The following FMN1 variants were observed in gnomAD, a reference collection of about 807,000 sequenced individuals.
FMN1 encodes the protein formin-1.
In FMN1, 110 loss-of-function variants were observed where a neutral mutation model predicts 132.4. That is an observed-to-expected ratio of 0.83 (90% CI 0.71 to 0.97). The LOEUF (loss-of-function observed/expected upper bound fraction) is 0.97, where lower values mean the gene tolerates loss of function less well. Among genes scored for constraint, FMN1 ranks in the 50% least tolerant of loss-of-function variants. FMN1 has a pLI of 0.00. For missense variants in FMN1, 1,792 were observed against 1,705.3 expected (o/e 1.05, Z -0.90); for synonymous variants, 722 against 651.7 (o/e 1.11, Z -1.64).
intron 15 of FMN1, among the ~76,000 whole-genome samples, chr15:32,898,523 A>G (rs914495238): frequency 2.0e-5 from 3 of 152,188 alleles, no homozygotes; most frequent in Non-Finnish European, 4.4e-5. Flanking sequence ...ATTATAACCA[A>G]TTACTGAGCG....
At chr15:33,026,112 C>T (rs951766857) in intron 6 of FMN1, among the ~76,000 whole-genome samples, 3 of 147,724 alleles carry the variant, frequency 2.0e-5, no homozygotes, top group East Asian at 3.9e-4. Context: ...CACACACACA[C>T]ACACACACAC....
At chr15:33,152,703 G>C (rs1964486462) in intron 4 of FMN1, among the ~76,000 whole-genome samples, 1 of 139,440 alleles carries the variant, frequency 7.2e-6, no homozygotes, top group East Asian at 2.3e-4. Context: ...CAAAGGCAGG[G>C]ACAAGTTACC....
At chr15:33,124,980 T>A (rs908904454) in intron 4 of FMN1, among the ~76,000 whole-genome samples, 1 of 152,176 alleles carries the variant, frequency 6.6e-6, no homozygotes, top group African/African-American at 2.4e-5. Context: ...GCAATTCAAA[T>A]GAAGTTATAT....
chr15:32,900,815 TC>T (rs1447812876), intron 13 of FMN1, among the ~76,000 whole-genome samples: 3 of 152,322 alleles, frequency 2.0e-5, no homozygotes, highest in South Asian at 4.1e-4. Context: ...AAATTTTTTT[TC>T]TTTATGGTCT....
At chr15:33,054,937 A>G (rs2037147879) in intron 6 of FMN1, among the ~76,000 whole-genome samples, 1 of 152,218 alleles carries the variant, frequency 6.6e-6, no homozygotes, top group South Asian at 2.1e-4. Flanking sequence ...ACAGAGTTAT[A>G]GTTGTAAACC....
intron 7 of FMN1, among the ~76,000 whole-genome samples, chr15:32,990,396 C>G (rs1271189457): frequency 6.6e-6 from 1 of 152,216 alleles, no homozygotes; most frequent in East Asian, 1.9e-4. Context: ...TCTCCAGGAT[C>G]AGAGCAAAGA....
At chr15:33,111,735 A>G (rs1054126477) in intron 4 of FMN1, among the ~76,000 whole-genome samples, 4 of 152,024 alleles carry the variant, frequency 2.6e-5, no homozygotes, top group African/African-American at 9.7e-5. Flanking sequence ...TTTCCAGAAC[A>G]GGCAAATCTA....
At chr15:33,127,524 C>T (rs905918653) in intron 4 of FMN1, among the ~76,000 whole-genome samples, 3 of 152,224 alleles carry the variant, frequency 2.0e-5, no homozygotes, top group Non-Finnish European at 4.4e-5. Context: ...TTCCATTAAA[C>T]TCAACCTGAA....
chr15:32,849,388 A>G (rs2058949661), intron 17 of FMN1, among the ~76,000 whole-genome samples: 1 of 152,176 alleles, frequency 6.6e-6, no homozygotes, highest in African/African-American at 2.4e-5. Flanking sequence ...TAATAATAAC[A>G]TAACTACTCT....
chr15:33,156,308 T>G (rs1964670442), intron 3 of FMN1, among the ~76,000 whole-genome samples: 1 of 149,874 alleles, frequency 6.7e-6, no homozygotes, highest in African/African-American at 2.5e-5. Context: ...TTAGATGGGT[T>G]CTTGCTCTGT....
chr15:33,103,105 G>A lies in FMN1; in HGVS notation c.1868-14131C>T, dbSNP rs142050553. On this transcript the variant is annotated intron_variant, in intron 4 of 20. Coordinates refer to ENST00000616417, the MANE Select transcript of FMN1 (RefSeq NM_001277313.2). ...TAGTAGATATATAATAATATCTGTT[G>A]AATACAATAATTGTTGAATATACAT... Among the ~76,000 whole-genome samples, 411 of 152,176 alleles carry A rather than the reference G, an allele frequency of 2.7e-3. 2 individuals carry two copies. The highest frequency in any genetic ancestry group is 9.4e-3 in the African/African-American group (389 of 41,552).
intron 15 of FMN1, among the ~76,000 whole-genome samples, chr15:32,889,223 A>G (rs1203684747): frequency 6.6e-6 from 1 of 152,208 alleles, no homozygotes; most frequent in African/African-American, 2.4e-5. Flanking sequence ...GCTATAGCTA[A>G]TGGAGAATTC....
Position 32,956,373 on chromosome 15 carries a change from A to T in FMN1, c.3138+7734T>A, listed in dbSNP as rs373515526. Among the ~76,000 whole-genome samples, 938 of 141,052 alleles carry T rather than the reference A, an allele frequency of 6.7e-3. 4 individuals carry two copies. The highest frequency in any genetic ancestry group is 0.011 in the Middle Eastern group (3 of 276). The allele number at this position is 141,052 out of a possible 152,430, so 92.5% of individuals were successfully genotyped here. On this transcript the variant is annotated intron_variant, in intron 9 of 20. Transcript: ENST00000616417. ...GTCCTAACCACTCTTTTTTTTTTTT[A>T]AAAAAATAAGCAAATAAAATAAACG...
intron 5 of FMN1, among the ~76,000 whole-genome samples, chr15:33,082,659 G>C (rs1246059026): frequency 2.6e-5 from 4 of 152,102 alleles, no homozygotes; most frequent in Non-Finnish European, 5.9e-5. Context: ...TAGGACCTGA[G>C]ATGCATGGCT....
intron 7 of FMN1, among the ~76,000 whole-genome samples, chr15:32,981,350 G>A (rs138118068): frequency 1.3e-3 from 202 of 151,516 alleles, no homozygotes; most frequent in African/African-American, 3.7e-3. Flanking sequence ...AAAATTAGCC[G>A]GCGCGGTGGC....
chr15:32,843,922 TG>T (rs2058799976), intron 17 of FMN1, among the ~76,000 whole-genome samples: 1 of 152,216 alleles, frequency 6.6e-6, no homozygotes, highest in African/African-American at 2.4e-5. Flanking sequence ...AGTTTATCTC[TG>T]TTTAAAACAG....
At chr15:32,894,018 G>A (rs982636454) in intron 15 of FMN1, among the ~76,000 whole-genome samples, 1 of 152,134 alleles carries the variant, frequency 6.6e-6, no homozygotes, top group South Asian at 2.1e-4. Context: ...TTATGTGCCC[G>A]CTGCTGCTTC....
At chr15:33,187,757 T>G (rs2140355809) in intron 2 of FMN1, among the ~76,000 whole-genome samples, 1 of 151,802 alleles carries the variant, frequency 6.6e-6, no homozygotes, top group African/African-American at 2.4e-5. Context: ...CTCTGGGGGG[T>G]GGTATAATAC....
At chr15:33,099,202 G>A (rs1220455202) in intron 4 of FMN1, among the ~76,000 whole-genome samples, 1 of 152,150 alleles carries the variant, frequency 6.6e-6, no homozygotes. Flanking sequence ...GAGGTGGGAG[G>A]ACTGCTTGAG....
Sources: allele counts gnomAD v4.1 joint callset (sites outside exome capture counted in the v4.1 genomes callset), GRCh38; gene constraint gnomAD v4.1.1; transcripts MANE v1.5; gene names NCBI Gene and HGNC (gene_info 2026-07-23, HGNC 2026-07-21).